The following ELL variants were observed in gnomAD, a reference collection of about 807,000 sequenced individuals.
The protein encoded by ELL is elongation factor for RNA polymerase II.
In ELL, 18 loss-of-function variants were observed where a neutral mutation model predicts 64.0. The ratio of observed to expected loss-of-function variants is 0.28; its 90% confidence interval spans 0.19 to 0.42. The LOEUF is 0.42. ELL is among the 10% of genes least tolerant of loss of function. The pLI, the probability that ELL is intolerant of heterozygous loss-of-function variation, is 1.00. For missense variants in ELL, 797 were observed against 870.4 expected (o/e 0.92, Z 1.06); for synonymous variants, 399 against 376.2 (o/e 1.06, Z -0.70).
At chr19:18,446,270 G>C in intron 10 of ELL, 39 bp downstream of exon 10, 1 of 1,504,262 alleles carries the variant, frequency 6.6e-7, no homozygotes, top group South Asian at 1.3e-5. Context: ...CCTGGCTCCC[G>C]CCAGAGCCAG....
At chr19:18,487,403 T>C (rs79341622) in intron 1 of ELL, among the ~76,000 whole-genome samples, 22,562 of 152,244 alleles carry the variant, frequency 0.15, 1,778 homozygotes, top group South Asian at 0.2. Flanking sequence ...TGGGGGACAG[T>C]TGCCCTCAGC....
At chr19:18,473,310 C>T in intron 1 of ELL, 1 of 443,368 alleles carries the variant, frequency 2.3e-6, no homozygotes, top group South Asian at 1.6e-5. Context: ...CATGACTCTC[C>T]CAAGGACCCA....
chr19:18,469,534 G>A (rs902023767), intron 2 of ELL, among the ~76,000 whole-genome samples: 37 of 152,330 alleles, frequency 2.4e-4, no homozygotes, highest in African/African-American at 7.2e-4. Context: ...AGTGACCCAC[G>A]TACCAGTGGG....
At position 18,509,633 on chromosome 19, in the gene ELL, A is replaced by G. The variant is rs1397377864; in HGVS notation, c.135+12288T>C. ...CACACACACACACACACACACACACACACACACACACACACACACACACAC... is the reference window on the plus strand; with the variant it reads ...CACACACACACACACACACACACACGCACACACACACACACACACACACAC... On this transcript the variant is annotated intron_variant, in intron 1 of 11. Transcript: ENST00000262809. Among the ~76,000 whole-genome samples the G allele has an allele frequency of 7.0e-4, 102 of 144,994 alleles. 4 individuals are homozygous for G. The highest frequency in any genetic ancestry group is 1.9e-3 in the African/African-American group (72 of 37,420).
intron 6 of ELL, among the ~76,000 whole-genome samples, chr19:18,454,757 C>T (rs1395660627): frequency 2.0e-5 from 3 of 147,496 alleles, no homozygotes; most frequent in African/African-American, 7.6e-5. Flanking sequence ...AGGCGAATCA[C>T]TTGAACCTGG....
chr19:18,452,548 A>G, intron 6 of ELL, among the ~76,000 whole-genome samples: 1 of 152,260 alleles, frequency 6.6e-6, no homozygotes, highest in East Asian at 1.9e-4. Context: ...TAGCAGAAGC[A>G]TGAGTGGTGA....
At chr19:18,462,351 GTGTGTGTGTGTGTT>G in intron 4 of ELL, among the ~76,000 whole-genome samples, 3 of 96,066 alleles carry the variant, frequency 3.1e-5, no homozygotes, top group Admixed American at 2.2e-4. Flanking sequence ...GTGTGTGTGT[GTGTGTGTGTGTGTT>G]TGGGCGGGGG....
In ELL at chr19:18,450,769, CG is replaced by C; in HGVS notation, c.1172del (p.Pro391ArgfsTer40). 3.2e-6 allele frequency: 5 copies of C among 1,579,326 alleles called. No homozygotes were observed. Among genetic ancestry groups the C allele is most frequent in the Non-Finnish European group, 4.3e-6 (5 of 1,162,866 alleles). On this transcript the variant is annotated frameshift_variant, in exon 8 of 12. Transcript: ENST00000262809. LOFTEE classifies it high-confidence loss of function. ...STHLPPRLEPPRAHDPLADVS... is the reference protein window; with the variant it reads ...STHLPPRLEPXRAHDPLADVS... ...CATCGGCCAGGGGGTCGTGGGCCCT[CG>C]GGGGCTCCAGCCGCGGGGGCAGGTG...
intron 1 of ELL, among the ~76,000 whole-genome samples, chr19:18,509,402 C>G (rs1975949219): frequency 6.6e-6 from 1 of 152,082 alleles, no homozygotes; most frequent in Non-Finnish European, 1.5e-5. Context: ...CAAGGCCACC[C>G]CAAGCCCTTT....
chr19:18,447,807 A>T, intron 8 of ELL, among the ~76,000 whole-genome samples: 1 of 150,438 alleles, frequency 6.6e-6, no homozygotes. Flanking sequence ...TTTTAGAGAC[A>T]GGGTCTTGCT....
intron 6 of ELL, 37 bp downstream of exon 6, chr19:18,458,168 G>A (rs754413214): frequency 1.6e-5 from 25 of 1,601,648 alleles, no homozygotes; most frequent in African/African-American, 4.0e-5. Flanking sequence ...GCCTTCATGC[G>A]GGTGGGGACA....
chr19:18,481,006 T>C (rs1975289125), intron 1 of ELL, among the ~76,000 whole-genome samples: 1 of 152,196 alleles, frequency 6.6e-6, no homozygotes, highest in African/African-American at 2.4e-5. Flanking sequence ...TCAGAAATCT[T>C]GTAGACAAAA....
At chr19:18,510,876 C>T (rs1412288447) in intron 1 of ELL, among the ~76,000 whole-genome samples, 1 of 152,306 alleles carries the variant, frequency 6.6e-6, no homozygotes, top group South Asian at 2.1e-4. Context: ...AATCCCAGCA[C>T]TTTGGGAGGC....
At chr19:18,499,340 G>A (rs907781364) in intron 1 of ELL, among the ~76,000 whole-genome samples, 2 of 152,146 alleles carry the variant, frequency 1.3e-5, no homozygotes, top group African/African-American at 4.8e-5. Flanking sequence ...TAACCTCTCT[G>A]GGCTTTGTCA....
chr19:18,507,511 A>G (rs1292563204), intron 1 of ELL, among the ~76,000 whole-genome samples: 1 of 152,218 alleles, frequency 6.6e-6, no homozygotes, highest in Non-Finnish European at 1.5e-5. Flanking sequence ...CCCCAGCCCA[A>G]GGTGAGCTTG....
rs111255751 is a variant in ELL, at chr19:18,453,510, C to T, written c.870-1862G>A. On this transcript the variant is annotated intron_variant, in intron 6 of 11. Coordinates refer to ENST00000262809, the MANE Select transcript of ELL (RefSeq NM_006532.4). The stretch of plus-strand genomic sequence containing the variant: ...CAAGGAGCAATAATGAACAAACAAA[C>T]CCACCAAACAAAAAACAAACAACGA... 2.4e-3 allele frequency among the ~76,000 whole-genome samples: 367 copies of T among 152,252 alleles called. 1 individual carries two copies. Among genetic ancestry groups the T allele is most frequent in the African/African-American group, 8.2e-3 (341 of 41,540 alleles).
At position 18,501,388 on chromosome 19, in the gene ELL, A is replaced by G. The variant is rs1338181778; in HGVS notation, c.135+20533T>C. ...ACCCTGCTGAGCGAGAGAACGTGGGAAAGGGCCTGGGATGGGCCCACTGTT... is the reference window on the plus strand; with the variant it reads ...ACCCTGCTGAGCGAGAGAACGTGGGGAAGGGCCTGGGATGGGCCCACTGTT... On this transcript the variant is annotated intron_variant, in intron 1 of 11. Coordinates refer to ENST00000262809, the MANE Select transcript of ELL (RefSeq NM_006532.4). The surrounding 1 kb of genome is among the most constrained non-coding windows in gnomAD (Gnocchi z 4.5). Among the ~76,000 whole-genome samples the G allele has an allele frequency of 6.6e-6, 1 of 152,250 alleles. No homozygotes were observed. Among genetic ancestry groups the G allele is most frequent in the South Asian group, 2.1e-4 (1 of 4,834 alleles).
intron 1 of ELL, among the ~76,000 whole-genome samples, chr19:18,496,261 A>G (rs1975651649): frequency 6.6e-6 from 1 of 152,142 alleles, no homozygotes; most frequent in Admixed American, 6.5e-5. Context: ...TTGTGAAAAG[A>G]GCCACCCGTG....
chr19:18,514,226 G>C (rs569114256), intron 1 of ELL, among the ~76,000 whole-genome samples: 1 of 151,954 alleles, frequency 6.6e-6, no homozygotes, highest in Admixed American at 6.5e-5. Flanking sequence ...AAAAAGCAAA[G>C]TGACAGCCGG....
Sources: allele counts gnomAD v4.1 joint callset (sites outside exome capture counted in the v4.1 genomes callset), GRCh38; gene constraint gnomAD v4.1.1; non-coding constraint Gnocchi (gnomAD v3.1); transcripts MANE v1.5; gene names NCBI Gene and HGNC (gene_info 2026-07-23, HGNC 2026-07-21).